Variants in OPHN1 observed in about 807,000 individuals in gnomAD.
The protein encoded by OPHN1 is oligophrenin 1, also known as oligophrenin-1.
OPHN1 carries 11 observed loss-of-function variants against 60.7 expected under a neutral mutation model. The ratio of observed to expected loss-of-function variants is 0.18; its 90% CI spans 0.11 to 0.30. The LOEUF (loss-of-function observed/expected upper bound fraction) is 0.30, where lower values mean the gene tolerates loss of function less well. Among genes scored for constraint, OPHN1 ranks in the 10% least tolerant of loss-of-function variants. The pLI is 1.00. For synonymous variants in OPHN1, 226 were observed against 222.6 expected (o/e 1.02, Z -0.14); for missense variants, 449 against 611.0 (o/e 0.73, Z 2.80).
chrX:68,344,992 C>A (rs2078372432), intron 2 of OPHN1, among the ~76,000 whole-genome samples: 1 of 111,734 alleles, frequency 8.9e-6, no homozygotes. Flanking sequence ...ACATCCCTGC[C>A]CTCCTGGAAT....
At chrX:68,058,772 A>G (rs2076882647) in intron 21 of OPHN1, among the ~76,000 whole-genome samples, 1 of 111,757 alleles carries the variant, frequency 8.9e-6, no homozygotes, top group Non-Finnish European at 1.9e-5. Flanking sequence ...CTTGCCTTCA[A>G]TGGTGGTATT....
At chrX:68,061,055 G>A (rs1253492068) in intron 21 of OPHN1, among the ~76,000 whole-genome samples, 2 of 111,699 alleles carry the variant, frequency 1.8e-5, no homozygotes, top group Non-Finnish European at 3.8e-5. Flanking sequence ...AGAGGTTTGG[G>A]GGGTTCTCCA....
chrX:68,378,609 A>G (rs1390418460), intron 2 of OPHN1, among the ~76,000 whole-genome samples: 8 of 111,924 alleles, frequency 7.1e-5, no homozygotes, highest in African/African-American at 1.9e-4. Context: ...TAATTTTTGT[A>G]TAAGGTGTAA....
intron 15 of OPHN1, among the ~76,000 whole-genome samples, chrX:68,139,776 G>T (rs752676004): frequency 4.0e-4 from 45 of 112,711 alleles, no homozygotes; most frequent in African/African-American, 1.4e-3. Flanking sequence ...CCAAGAGAGT[G>T]CATGTTGGCT....
intron 11 of OPHN1, among the ~76,000 whole-genome samples, chrX:68,197,531 G>A (rs904517140): frequency 5.4e-5 from 6 of 111,124 alleles, no homozygotes; most frequent in East Asian, 2.8e-4. Context: ...CTGTCAAGAC[G>A]CCTCCATAAT....
intron 3 of OPHN1, among the ~76,000 whole-genome samples, chrX:68,289,984 C>G (rs1048412377): frequency 3.6e-5 from 4 of 109,623 alleles, no homozygotes; most frequent in Non-Finnish European, 5.7e-5. Flanking sequence ...CAGCTATATG[C>G]AGAAAATTGT....
chrX:68,136,094 T>C (rs2077218001), intron 15 of OPHN1, among the ~76,000 whole-genome samples: 1 of 110,799 alleles, frequency 9.0e-6, no homozygotes, highest in Non-Finnish European at 1.9e-5. Flanking sequence ...GAATCTGTGC[T>C]GTCCAATAGG....
chrX:68,086,629 TC>T (rs771208494), intron 19 of OPHN1, among the ~76,000 whole-genome samples: 12 of 111,665 alleles, frequency 1.1e-4, no homozygotes, highest in Non-Finnish European at 2.3e-4. Flanking sequence ...ACAAAATAAA[TC>T]CCTCTATCTA....
intron 11 of OPHN1, among the ~76,000 whole-genome samples, chrX:68,200,947 A>G (rs1034306498): frequency 1.8e-5 from 2 of 112,397 alleles, no homozygotes; most frequent in South Asian, 7.4e-4. Flanking sequence ...TTTCTCCACA[A>G]TAATGCCAAA....
intron 2 of OPHN1, among the ~76,000 whole-genome samples, chrX:68,401,079 T>C (rs1293368441): frequency 8.9e-6 from 1 of 111,837 alleles, no homozygotes; most frequent in East Asian, 2.8e-4. Context: ...ACTGCCACCA[T>C]GATCCTTTCA....
chrX:68,392,448 T>C (rs1029003180), intron 2 of OPHN1, among the ~76,000 whole-genome samples: 1 of 109,164 alleles, frequency 9.2e-6, no homozygotes, highest in African/African-American at 3.3e-5. Context: ...ATGGCTTGAG[T>C]CTAGGAATTC....
At chrX:68,169,790 T>C (rs2077380461) in intron 15 of OPHN1, among the ~76,000 whole-genome samples, 1 of 100,474 alleles carries the variant, frequency 1.0e-5, no homozygotes, top group Non-Finnish European at 2.0e-5. Context: ...TCAAGATGGA[T>C]TAAAGACTTA....
At chrX:68,113,372 C>T in intron 16 of OPHN1, 133 bp from the exon 17 acceptor site, 1 of 521,224 alleles carries the variant, frequency 1.9e-6, no homozygotes, top group Non-Finnish European at 3.3e-6. Flanking sequence ...TTTCTCTTCA[C>T]CTGAAGCTTC....
intron 2 of OPHN1, among the ~76,000 whole-genome samples, chrX:68,429,052 T>C (rs1029582507): frequency 9.8e-5 from 11 of 111,943 alleles, no homozygotes; most frequent in African/African-American, 3.6e-4. Context: ...ATCATTTTCA[T>C]AATCCATTAA....
chrX:68,324,264 T>C (rs2078248426), intron 2 of OPHN1, among the ~76,000 whole-genome samples: 1 of 110,955 alleles, frequency 9.0e-6, no homozygotes, highest in Non-Finnish European at 1.9e-5. Flanking sequence ...AGTTACTGGA[T>C]ACAAGATCAA....
rs189991976 is a variant in OPHN1 at position 68,232,792 on chromosome X, C to T, written c.486+1695G>A. Among the ~76,000 whole-genome samples the T allele has an allele frequency of 6.2e-3, 676 of 109,879 alleles. 7 individuals carry two copies. The highest frequency in any genetic ancestry group is 0.021 in the African/African-American group (643 of 30,132). On this transcript the variant is annotated intron_variant, in intron 6 of 24. Coordinates refer to ENST00000355520, the MANE Select transcript of OPHN1 (RefSeq NM_002547.3). ...TTGACTGTTTTCTGCATAGAAACCG[C>T]GACACAGAATAGATAGAAAAGGAAA...
At chrX:68,277,391 G>A (rs970186839) in intron 4 of OPHN1, among the ~76,000 whole-genome samples, 1 of 112,409 alleles carries the variant, frequency 8.9e-6, no homozygotes, top group East Asian at 2.8e-4. Context: ...GCCACAGACT[G>A]GTGCCCTGCA....
At chrX:68,212,758 AC>A (rs1357428562) in intron 7 of OPHN1, among the ~76,000 whole-genome samples, 1 of 112,177 alleles carries the variant, frequency 8.9e-6, no homozygotes, top group Non-Finnish European at 1.9e-5. Flanking sequence ...AAATTTATTA[AC>A]CCTGAGCTTG....
chrX:68,073,490 G>A (rs1253325150), intron 19 of OPHN1, among the ~76,000 whole-genome samples, 191 bp from the exon 20 acceptor site: 1 of 111,825 alleles, frequency 8.9e-6, no homozygotes, highest in African/African-American at 3.3e-5. Flanking sequence ...CTCCTACTAT[G>A]CTCAAGGCAC....
Sources: allele counts gnomAD v4.1 joint callset (sites outside exome capture counted in the v4.1 genomes callset), GRCh38; gene constraint gnomAD v4.1.1; transcripts MANE v1.5; gene names NCBI Gene and HGNC (gene_info 2026-07-23, HGNC 2026-07-21).